Variants in RFX4 observed in about 807,000 individuals in gnomAD.
RFX4 encodes the protein regulatory factor X4.
In RFX4, 10 loss-of-function variants were observed where a neutral mutation model predicts 95.0. The ratio of observed to expected loss-of-function variants is 0.11; its 90% CI spans 0.06 to 0.18. RFX4 has a LOEUF of 0.18. RFX4 is among the 10% of genes least tolerant of loss of function. RFX4 has a pLI of 1.00. For synonymous variants in RFX4, 321 were observed against 340.7 expected (o/e 0.94, Z 0.64); for missense variants, 640 against 922.0 (o/e 0.69, Z 3.96).
intron 3 of RFX4, among the ~76,000 whole-genome samples, chr12:106,649,214 A>T (rs2040814858): frequency 6.6e-6 from 1 of 152,190 alleles, no homozygotes; most frequent in Non-Finnish European, 1.5e-5. Flanking sequence ...AGAATAATTA[A>T]CTGCCTTTCT....
chr12:106,646,113 A>G (rs146170218), intron 3 of RFX4, among the ~76,000 whole-genome samples: 1 of 152,330 alleles, frequency 6.6e-6, no homozygotes, highest in African/African-American at 2.4e-5. Context: ...AAGCACATGC[A>G]GCCAGCAGCT....
At position 106,741,894 on chromosome 12, in the gene RFX4, A is replaced by C. The variant is rs148008552; in HGVS notation, c.1634-5543A>C. 5.1e-3 allele frequency among the ~76,000 whole-genome samples: 784 copies of C among 152,258 alleles called. 7 individuals carry two copies. Among genetic ancestry groups the C allele is most frequent in the African/African-American group, 0.018 (743 of 41,550 alleles). Reference sequence around the variant, plus strand: ...GGAGTGTGCAACCTAGATCCCTTGCATGTGCAGTTCATAGGGTTCACACTC... The same window carrying C: ...GGAGTGTGCAACCTAGATCCCTTGCCTGTGCAGTTCATAGGGTTCACACTC... On this transcript the variant is annotated intron_variant, in intron 15 of 17. Transcript: ENST00000392842.
intron 15 of RFX4, among the ~76,000 whole-genome samples, chr12:106,745,487 A>C (rs1169871585): frequency 6.6e-6 from 1 of 152,214 alleles, no homozygotes; most frequent in East Asian, 1.9e-4. Context: ...CACCATTTCC[A>C]CATTTCTTCA....
intron 4 of RFX4, among the ~76,000 whole-genome samples, chr12:106,667,189 A>G (rs1036875070): frequency 6.6e-6 from 1 of 151,814 alleles, no homozygotes; most frequent in Non-Finnish European, 1.5e-5. Context: ...CTAGAATTGG[A>G]TATTTCCCTT....
chr12:106,706,837 T>C (rs993638895), intron 8 of RFX4, among the ~76,000 whole-genome samples: 2 of 152,154 alleles, frequency 1.3e-5, no homozygotes, highest in African/African-American at 4.8e-5. Flanking sequence ...TTGGGAGAAA[T>C]AGAAAAGTCT....
chr12:106,623,652 GC>G (rs1240006731), intron 2 of RFX4, among the ~76,000 whole-genome samples: 4 of 152,202 alleles, frequency 2.6e-5, no homozygotes, highest in African/African-American at 9.7e-5. Flanking sequence ...TGTTAAGAAT[GC>G]TTTGGCCTGT....
chr12:106,707,504 G>A (rs1382667026), intron 8 of RFX4, among the ~76,000 whole-genome samples: 2 of 152,136 alleles, frequency 1.3e-5, no homozygotes, highest in East Asian at 3.9e-4. Context: ...GCAGCAGAAG[G>A]AGGGATCACA....
Position 106,762,722 on chromosome 12 carries a change from C to T in RFX4, c.*1253C>T, listed in dbSNP as rs2043225502. 6.6e-6 allele frequency: 1 copy of T among 152,422 alleles called. No individual in the cohort carries two copies. The highest frequency in any genetic ancestry group is 6.6e-5 in the Admixed American group (1 of 15,246). The allele number at this position is 152,422 out of a possible 1,614,324, so 9.4% of individuals were successfully genotyped here. ...CCACTCAGTGTGATAATTGTGTCTA[C>T]AGCTAAAATGGAAATAGTTTTATCT... On this transcript the variant is annotated 3_prime_UTR_variant, in exon 18 of 18. Transcript: ENST00000392842.
intron 16 of RFX4, among the ~76,000 whole-genome samples, chr12:106,749,671 T>C (rs1453899568): frequency 6.6e-6 from 1 of 152,148 alleles, no homozygotes; most frequent in African/African-American, 2.4e-5. Context: ...ACAGTGATAA[T>C]AATAGGCTAT....
intron 17 of RFX4, among the ~76,000 whole-genome samples, chr12:106,758,085 G>A (rs1267156985): frequency 6.6e-6 from 1 of 152,170 alleles, no homozygotes; most frequent in Non-Finnish European, 1.5e-5. Flanking sequence ...CTCAACAAAA[G>A]GTGCCTTATT....
intron 6 of RFX4, among the ~76,000 whole-genome samples, chr12:106,688,557 AATGCATGTCT>A (rs1257671633): frequency 6.6e-6 from 1 of 152,162 alleles, no homozygotes; most frequent in African/African-American, 2.4e-5. Flanking sequence ...GTTTATATAA[AATGCATGTCT>A]ATGTTCTAAA....
intron 4 of RFX4, among the ~76,000 whole-genome samples, chr12:106,677,344 G>GA (rs2041412905): frequency 6.6e-6 from 1 of 152,030 alleles, no homozygotes; most frequent in South Asian, 2.1e-4. Flanking sequence ...CAGGCACAGG[G>GA]AACAGCACTG....
At chr12:106,654,731 T>C (rs977113247) in intron 4 of RFX4, among the ~76,000 whole-genome samples, 2 of 152,188 alleles carry the variant, frequency 1.3e-5, no homozygotes, top group African/African-American at 4.8e-5. Context: ...TATCCTTAGA[T>C]TGGAGGTGTG....
intron 1 of RFX4, among the ~76,000 whole-genome samples, chr12:106,598,671 A>T (rs2039654759): frequency 6.6e-6 from 1 of 152,200 alleles, no homozygotes; most frequent in Non-Finnish European, 1.5e-5. Context: ...TTCTGTAGCC[A>T]GGAGTGCCTG....
At chr12:106,657,317 A>G (rs1014086904) in intron 4 of RFX4, among the ~76,000 whole-genome samples, 24 of 152,310 alleles carry the variant, frequency 1.6e-4, no homozygotes, top group African/African-American at 5.8e-4. Flanking sequence ...GTCTCTACCC[A>G]GTTTGCAAGT....
chr12:106,761,142 T>C (rs1203854322), intron 17 of RFX4, 55 bp from the exon 18 acceptor site: 6 of 1,562,052 alleles, frequency 3.8e-6, no homozygotes, highest in Non-Finnish European at 4.4e-6. Context: ...TGATATTGTG[T>C]ATATGCAACC....
chr12:106,694,847 C>T lies in RFX4; in HGVS notation c.670-1436C>T, dbSNP rs182008461. On this transcript the variant is annotated intron_variant, in intron 7 of 17. Transcript: ENST00000392842. ...GTCAGGTACTCGAGACCAGCCTGGT[C>T]AACATGGCGAAACCCCGTCTCTACT... Among the ~76,000 whole-genome samples, 345 of 152,156 alleles carry T rather than the reference C, an allele frequency of 2.3e-3. 1 individual carries two copies. Among genetic ancestry groups the T allele is most frequent in the African/African-American group, 7.5e-3 (311 of 41,512 alleles).
chr12:106,713,948 T>C (rs2042235190), intron 10 of RFX4, among the ~76,000 whole-genome samples: 2 of 151,224 alleles, frequency 1.3e-5, no homozygotes, highest in South Asian at 4.2e-4. Context: ...CATGCACCTA[T>C]AGTCCCAGCT....
intron 1 of RFX4, among the ~76,000 whole-genome samples, chr12:106,589,332 G>A (rs741625): frequency 0.14 from 21,909 of 152,112 alleles, 1,620 homozygotes; most frequent in African/African-American, 0.18. Context: ...CCCTACTGTC[G>A]AGGACTTCAG....
Sources: allele counts gnomAD v4.1 joint callset (sites outside exome capture counted in the v4.1 genomes callset), GRCh38; gene constraint gnomAD v4.1.1; transcripts MANE v1.5; gene names NCBI Gene and HGNC (gene_info 2026-07-23, HGNC 2026-07-21).